TMEM63C: variants seen among roughly 807,000 people sequenced by gnomAD.
TMEM63C encodes the protein transmembrane protein 63C.
A neutral mutation model predicts 99.2 loss-of-function variants in TMEM63C; 32 were observed. The ratio of observed to expected loss-of-function variants is 0.32; its 90% confidence interval spans 0.24 to 0.43. TMEM63C has a LOEUF of 0.43. Ranked by LOEUF, TMEM63C falls within the 20% of genes least tolerant of loss-of-function variation. TMEM63C has a pLI of 1.00. For missense variants in TMEM63C, 826 were observed against 1,053.0 expected (o/e 0.78, Z 2.98); for synonymous variants, 376 against 397.9 (o/e 0.94, Z 0.66).
intron 22 of TMEM63C, 143 bp from the exon 23 acceptor site, chr14:77,253,162 C>T (rs1889398809): frequency 4.1e-6 from 3 of 736,140 alleles, no homozygotes; most frequent in Admixed American, 4.1e-5. Flanking sequence ...CTCAGTCTTG[C>T]CAGGCTGAAG....
At chr14:77,189,338 A>G (rs1210792787) in intron 1 of TMEM63C, among the ~76,000 whole-genome samples, 2 of 151,636 alleles carry the variant, frequency 1.3e-5, no homozygotes, top group Non-Finnish European at 2.9e-5. Context: ...ACCTGGTCAC[A>G]AATTCCTGGG....
chr14:77,185,049 G>A (rs144664912), intron 1 of TMEM63C, among the ~76,000 whole-genome samples: 172 of 152,286 alleles, frequency 1.1e-3, no homozygotes, highest in African/African-American at 3.7e-3. Context: ...GGGAAGGGGC[G>A]CCTCATTGTC....
At chr14:77,191,507 T>TTTTCTTTTC (rs1236799956) in intron 1 of TMEM63C, among the ~76,000 whole-genome samples, 1 of 151,164 alleles carries the variant, frequency 6.6e-6, no homozygotes, top group Non-Finnish European at 1.5e-5. Flanking sequence ...TCCATTTTTT[T>TTTTCTTTTC]TTTCTTTTCT....
intron 5 of TMEM63C, among the ~76,000 whole-genome samples, chr14:77,223,104 A>T (rs1888755007): frequency 6.6e-6 from 1 of 152,218 alleles, no homozygotes; most frequent in South Asian, 2.1e-4. Context: ...GCCTCAGACA[A>T]GTGACTTCAT....
chr14:77,210,879 G>C (rs1426527701), intron 1 of TMEM63C, among the ~76,000 whole-genome samples: 1 of 152,212 alleles, frequency 6.6e-6, no homozygotes, highest in Non-Finnish European at 1.5e-5. Context: ...GGGGGTCATG[G>C]GGTTGGAGAG....
At chr14:77,219,679 C>T in intron 4 of TMEM63C, 102 bp downstream of exon 4, 1 of 1,283,312 alleles carries the variant, frequency 7.8e-7, no homozygotes. Context: ...CAGCAGGTGT[C>T]TCGCCAGCAA....
intron 6 of TMEM63C, among the ~76,000 whole-genome samples, chr14:77,226,895 G>A (rs1360354139): frequency 6.6e-6 from 1 of 151,952 alleles, no homozygotes; most frequent in Non-Finnish European, 1.5e-5. Context: ...AGCCTCCCGA[G>A]TAGCTGGGAT....
intron 1 of TMEM63C, among the ~76,000 whole-genome samples, chr14:77,203,833 T>C (rs1463797606): frequency 6.6e-6 from 1 of 152,240 alleles, no homozygotes; most frequent in African/African-American, 2.4e-5. Flanking sequence ...AGGTGGGGTG[T>C]GATGGCCCCA....
At chr14:77,241,392 C>T (rs531746702) in intron 13 of TMEM63C, among the ~76,000 whole-genome samples, 6 of 152,244 alleles carry the variant, frequency 3.9e-5, no homozygotes, top group South Asian at 2.1e-4. Context: ...GCAGCCCATG[C>T]GTTGACAAGG....
At chr14:77,220,251 T>G (rs1194140892) in intron 5 of TMEM63C, among the ~76,000 whole-genome samples, 164 bp downstream of exon 5, 1 of 152,174 alleles carries the variant, frequency 6.6e-6, no homozygotes, top group Non-Finnish European at 1.5e-5. Flanking sequence ...TCCCCCAGAC[T>G]CAGTTTCCCC....
At chr14:77,199,358 A>G (rs1888259775) in intron 1 of TMEM63C, among the ~76,000 whole-genome samples, 1 of 152,154 alleles carries the variant, frequency 6.6e-6, no homozygotes, top group Admixed American at 6.6e-5. Flanking sequence ...CGCACTGCCT[A>G]CACAGTCAAG....
intron 1 of TMEM63C, among the ~76,000 whole-genome samples, chr14:77,195,678 C>G (rs564660682): frequency 6.6e-6 from 1 of 152,206 alleles, no homozygotes; most frequent in African/African-American, 2.4e-5. Flanking sequence ...AACACCCCCA[C>G]AGCAGCAAGG....
chr14:77,256,110 C>G (rs535134885), intron 23 of TMEM63C, among the ~76,000 whole-genome samples: 1 of 152,322 alleles, frequency 6.6e-6, no homozygotes, highest in Admixed American at 6.5e-5. Context: ...ACAGGCCAAA[C>G]CAGTGACAGA....
chr14:77,244,616 G>A (rs781573961), intron 16 of TMEM63C, among the ~76,000 whole-genome samples, 161 bp downstream of exon 16: 2 of 152,238 alleles, frequency 1.3e-5, no homozygotes, highest in African/African-American at 2.4e-5. Flanking sequence ...AGACCAACAG[G>A]TGTTCTGTCT....
rs1889487976 is a variant in TMEM63C, at chr14:77,257,514, TGGGG to T, written c.*789_*792del. 1 of 152,150 alleles carries T rather than the reference TGGGG, an allele frequency of 6.6e-6. No homozygotes were observed. The highest frequency in any genetic ancestry group is 2.4e-5 in the African/African-American group (1 of 41,396). 9.4% of individuals were successfully genotyped at this position (152,150 alleles called of 1,614,324 possible). ...TTAGTCCTTGCTGGGTAACACAAAG[TGGGG>T]TGAGACGACAGAAGCCGAATTCATG... On this transcript the variant is annotated 3_prime_UTR_variant, in exon 24 of 24. Transcript: ENST00000298351.
chr14:77,222,607 C>T (rs1416489131), intron 5 of TMEM63C, among the ~76,000 whole-genome samples: 1 of 152,146 alleles, frequency 6.6e-6, no homozygotes, highest in Admixed American at 6.5e-5. Context: ...TTACTCCTCC[C>T]AACTCCCCTA....
chr14:77,187,806 C>T (rs1288549841), intron 1 of TMEM63C, among the ~76,000 whole-genome samples: 1 of 152,210 alleles, frequency 6.6e-6, no homozygotes, highest in Non-Finnish European at 1.5e-5. Context: ...GCCTGCTTCC[C>T]CTGGGAGTTA....
chr14:77,184,833 C>T lies in TMEM63C; in HGVS notation c.-77+2939C>T, dbSNP rs1377139282. Among the ~76,000 whole-genome samples the T allele has an allele frequency of 3.9e-5, 6 of 152,248 alleles. No individual in the cohort carries two copies. In the East Asian group the frequency reaches 7.7e-4, roughly 20 times the overall value. ...GTTACAGGAGGAGCTGAGATGAGAA[C>T]GTGGGCAGCTCACGAAGTATGGTGT... is the stretch of plus-strand genomic sequence containing the variant. On this transcript the variant is annotated intron_variant, in intron 1 of 23. Coordinates refer to ENST00000298351, the MANE Select transcript of TMEM63C (RefSeq NM_020431.4).
At chr14:77,231,513 T>A in intron 6 of TMEM63C, 75 bp from the exon 7 acceptor site, 1 of 1,507,184 alleles carries the variant, frequency 6.6e-7, no homozygotes, top group South Asian at 1.2e-5. Flanking sequence ...TTTCTGCCCT[T>A]CCCTCTACCT....
Sources: allele counts gnomAD v4.1 joint callset (sites outside exome capture counted in the v4.1 genomes callset), GRCh38; gene constraint gnomAD v4.1.1; transcripts MANE v1.5; gene names NCBI Gene and HGNC (gene_info 2026-07-23, HGNC 2026-07-21).